Variants in SAMSN1 observed in about 807,000 individuals in gnomAD.
The protein encoded by SAMSN1 is SAM domain-containing protein SAMSN-1.
Under a neutral mutation model 42.0 loss-of-function variants are expected in SAMSN1, and 31 were observed. That is an observed-to-expected ratio of 0.74 (90% CI 0.55 to 1.00). SAMSN1 has a LOEUF of 1.00. Ranked by LOEUF, SAMSN1 falls within the 50% of genes least tolerant of loss-of-function variation. The pLI is 0.00. For synonymous variants in SAMSN1, 178 were observed against 151.9 expected (o/e 1.17, Z -1.26); for missense variants, 464 against 439.4 (o/e 1.06, Z -0.50).
chr21:14,613,619 G>C (rs1008031555), intron 3 of SAMSN1, among the ~76,000 whole-genome samples: 1 of 151,848 alleles, frequency 6.6e-6, no homozygotes, highest in South Asian at 2.1e-4. Context: ...TTAATTTTTT[G>C]TTTCCTTTTC....
At chr21:14,525,902 T>C (rs1298538948) in intron 1 of SAMSN1, among the ~76,000 whole-genome samples, 1 of 152,220 alleles carries the variant, frequency 6.6e-6, no homozygotes, top group African/African-American at 2.4e-5. Context: ...TCTCCCTCTG[T>C]TATGCAGGCT....
intron 1 of SAMSN1, among the ~76,000 whole-genome samples, chr21:14,655,387 T>C (rs969422206): frequency 2.6e-5 from 4 of 151,780 alleles, no homozygotes; most frequent in Non-Finnish European, 4.4e-5. Flanking sequence ...TTCCTATTAA[T>C]GCAAGAAAAC....
intron 5 of SAMSN1, among the ~76,000 whole-genome samples, chr21:14,503,741 AGAG>A (rs1987276539): frequency 6.6e-6 from 1 of 152,178 alleles, no homozygotes; most frequent in African/African-American, 2.4e-5. Flanking sequence ...CAACTCGAGC[AGAG>A]GAGTGTGTGG....
At position 14,653,517 on chromosome 21, in the gene SAMSN1, G is replaced by T. The variant is rs190622944; in HGVS notation, c.24+5231C>A. Among the ~76,000 whole-genome samples, 3 of 152,072 alleles carry T rather than the reference G, an allele frequency of 2.0e-5. No individual in the cohort carries two copies. In the East Asian group the frequency reaches 5.8e-4, roughly 29 times the overall value. On this transcript the variant is annotated intron_variant, in intron 1 of 15. Coordinates refer to the SAMSN1 transcript ENST00000647101. Reference sequence around the variant, plus strand: ...AGGCTAGGAAGAGTAATGGCATTCTGGGAGGAAGCTGGGGATGGTTAATGG... The same window carrying T: ...AGGCTAGGAAGAGTAATGGCATTCTTGGAGGAAGCTGGGGATGGTTAATGG...
upstream of SAMSN1, among the ~76,000 whole-genome samples, chr21:14,550,724 A>G (rs1022537539): frequency 2.0e-5 from 3 of 152,064 alleles, no homozygotes; most frequent in Non-Finnish European, 4.4e-5. Flanking sequence ...ATCTAAATTC[A>G]TTTTACCTCA....
chr21:14,485,999 T>G lies in SAMSN1; in HGVS notation c.1035A>C (p.Gly345=). The change falls in exon 8 of 8, where the codon GGA becomes GGC. Residue 345 remains glycine, a synonymous_variant. Transcript: ENST00000400566. ...GATCCTCTTTGCCATTATCTGAATT[T>G]CCTGATGAGATATAGCAACCAGAGT... ...PRDSGCYISS[G]NSDNGKEDLE... is the part of the protein sequence containing the mutation. The G allele has an allele frequency of 1.2e-6, 2 of 1,613,740 alleles. No individual in the cohort carries two copies. The highest frequency in any genetic ancestry group is 1.7e-6 in the Non-Finnish European group (2 of 1,179,702).
At chr21:14,584,298 A>G (rs891317681), upstream of SAMSN1, among the ~76,000 whole-genome samples, 1 of 152,174 alleles carries the variant, frequency 6.6e-6, no homozygotes, top group African/African-American at 2.4e-5. Context: ...ACATACTTTT[A>G]AAAAAATAGC....
At chr21:14,501,918 G>T (rs1425728866) in intron 5 of SAMSN1, among the ~76,000 whole-genome samples, 3 of 152,016 alleles carry the variant, frequency 2.0e-5, no homozygotes, top group African/African-American at 7.3e-5. Context: ...TATTGGCAAG[G>T]GTAGAAAACC....
intron 3 of SAMSN1, among the ~76,000 whole-genome samples, chr21:14,613,243 A>T (rs1397410321): frequency 2.0e-5 from 3 of 152,226 alleles, no homozygotes; most frequent in Admixed American, 2.0e-4. Context: ...TATGTCAATA[A>T]ATACAGAAAG....
chr21:14,614,950 C>T (rs1982798896), intron 3 of SAMSN1, among the ~76,000 whole-genome samples: 1 of 152,178 alleles, frequency 6.6e-6, no homozygotes, highest in Non-Finnish European at 1.5e-5. Flanking sequence ...GACACTTTCC[C>T]TTTAATTCAA....
intron 5 of SAMSN1, among the ~76,000 whole-genome samples, chr21:14,507,747 A>G (rs1455925126): frequency 6.6e-6 from 1 of 152,110 alleles, no homozygotes; most frequent in African/African-American, 2.4e-5. Context: ...GCCAAAGCAA[A>G]CTTGAGCAAA....
chr21:14,558,697 A>G (rs1373244248), intron 2 of SAMSN1, among the ~76,000 whole-genome samples: 1 of 150,886 alleles, frequency 6.6e-6, no homozygotes, highest in Non-Finnish European at 1.5e-5. Flanking sequence ...AACAAAAACA[A>G]AAACAACAAC....
upstream of SAMSN1, chr21:14,583,580 G>C (rs1981824382): frequency 6.0e-6 from 4 of 667,880 alleles, no homozygotes; most frequent in Admixed American, 1.0e-4. Context: ...ATCAAAATGG[G>C]CTTCATTAAC....
At position 14,520,760 on chromosome 21, in the gene SAMSN1, G is replaced by A. The variant is rs112041597; in HGVS notation, c.129+390C>T. 6.8e-3 allele frequency among the ~76,000 whole-genome samples: 1,035 copies of A among 152,278 alleles called. 6 individuals carry two copies. Among genetic ancestry groups the A allele is most frequent in the African/African-American group, 0.023 (958 of 41,552 alleles). On this transcript the variant is annotated intron_variant, in intron 2 of 7. Transcript: ENST00000400566. ...GGGAAGGGGACGGAGCTATGGGAAG[G>A]TCGTGTGGTTTGCTGCAGGGAGGAG...
chr21:14,559,521 A>G (rs1167639773), intron 2 of SAMSN1, among the ~76,000 whole-genome samples: 2 of 152,056 alleles, frequency 1.3e-5, no homozygotes, highest in Non-Finnish European at 2.9e-5. Context: ...TTCTTTTTCC[A>G]GAGAGTGGGG....
In SAMSN1 at chr21:14,610,262, G is replaced by A. The variant is rs185490173; in HGVS notation, c.236-694C>T. ...TGGGAAAAGAACGCATTCCCAGGGC[G>A]GGGCCTCTAAAATGGCCACCCTAGG... On this transcript the variant is annotated intron_variant, in intron 4 of 15. Coordinates refer to the SAMSN1 transcript ENST00000647101. 5.9e-3 allele frequency among the ~76,000 whole-genome samples: 899 copies of A among 152,174 alleles called. 10 individuals are homozygous for A. Among genetic ancestry groups the A allele is most frequent in the African/African-American group, 0.019 (785 of 41,520 alleles).
At chr21:14,596,588 T>C (rs920587089) in intron 6 of SAMSN1, among the ~76,000 whole-genome samples, 4 of 152,180 alleles carry the variant, frequency 2.6e-5, no homozygotes, top group Admixed American at 6.6e-5. Context: ...TTAAAAGGAA[T>C]TGTGGCCTCT....
intron 4 of SAMSN1, 135 bp downstream of exon 4, chr21:14,512,309 T>G (rs1987720656): frequency 2.3e-6 from 2 of 885,094 alleles, no homozygotes; most frequent in Non-Finnish European, 3.6e-6. Context: ...TCTATATAGA[T>G]TTAATATATC....
At chr21:14,563,013 C>T (rs1980995239) in intron 2 of SAMSN1, among the ~76,000 whole-genome samples, 1 of 152,078 alleles carries the variant, frequency 6.6e-6, no homozygotes, top group South Asian at 2.1e-4. Context: ...ATTATAAATG[C>T]AGAAAAATTG....
Sources: allele counts gnomAD v4.1 joint callset (sites outside exome capture counted in the v4.1 genomes callset), GRCh38; gene constraint gnomAD v4.1.1; transcripts MANE v1.5; gene names NCBI Gene and HGNC (gene_info 2026-07-23, HGNC 2026-07-21).